The following ABHD16A variants were observed in gnomAD, a reference collection of about 807,000 sequenced individuals.
ABHD16A encodes abhydrolase domain containing 16A, phospholipase.
Under a neutral mutation model 89.8 loss-of-function variants are expected in ABHD16A, and 47 were observed. The observed-to-expected ratio is 0.52, with a 90% CI of 0.41 to 0.67. ABHD16A has a LOEUF of 0.67. ABHD16A is among the 30% of genes least tolerant of loss of function. The pLI, the probability that ABHD16A is intolerant of heterozygous loss-of-function variation, is 0.00. For synonymous variants in ABHD16A, 251 were observed against 280.4 expected, an observed-to-expected ratio of 0.90 and a Z score of 1.05; for missense variants, 580 against 734.6, an observed-to-expected ratio of 0.79 and a Z score of 2.43.
rs1173666617 is a variant in ABHD16A, at chr6:31,695,498, TG to T, written c.429+1449del. 7.6e-5 allele frequency among the ~76,000 whole-genome samples: 10 copies of T among 130,762 alleles called. No individual in the cohort carries two copies. The South Asian group carries it at 1.3e-3, about 17-fold the overall frequency. The allele number at this position is 130,762 out of a possible 152,430, so 85.8% of individuals were successfully genotyped here. On this transcript the variant is annotated intron_variant, in intron 5 of 19. Transcript: ENST00000395952. ...CAGCACTTTGGGAGGCCAAGGCAGG[TG>T]GATCACCTGAGGTCAGGAGTTTGAG...
chr6:31,700,471 G>C (rs1804855262), intron 4 of ABHD16A, among the ~76,000 whole-genome samples: 1 of 152,194 alleles, frequency 6.6e-6, no homozygotes, highest in Non-Finnish European at 1.5e-5. Flanking sequence ...CACTGGAGTT[G>C]TTTCCAGCTT....
Position 31,688,345 on chromosome 6 carries a change from G to C in ABHD16A, c.1251-40C>G. The stretch of plus-strand genomic sequence containing the variant: ...GCAGTGGGAAGGGAGAGCTCAGAGG[G>C]AGACGGGTGACAACTGGCCCACCCC... On this transcript the variant is annotated intron_variant, in intron 14 of 19. Coordinates refer to ENST00000395952, the MANE Select transcript of ABHD16A (RefSeq NM_021160.3). The surrounding 1 kb of genome is among the most constrained non-coding windows in gnomAD (Gnocchi z 4.9). The C allele has an allele frequency of 6.2e-7, 1 of 1,600,046 alleles. No homozygotes were observed. The highest frequency in any genetic ancestry group is 8.6e-7 in the Non-Finnish European group (1 of 1,167,500).
At position 31,690,624 on chromosome 6, in the gene ABHD16A, A is replaced by C. The variant is rs779110521; in HGVS notation, c.844-22T>G. 3 of 1,612,444 alleles carry C rather than the reference A, an allele frequency of 1.9e-6. No individual in the cohort carries two copies. Among genetic ancestry groups the C allele is most frequent in the African/African-American group, 1.3e-5 (1 of 74,908 alleles). The stretch of plus-strand genomic sequence containing the variant: ...TCACCTAGGAAGGAGGCAGGAAGGA[A>C]GGGCTGGGGGGCCAAGTTGGGACTG... On this transcript the variant is annotated intron_variant, in intron 9 of 19. Transcript: ENST00000395952. This position sits in a 1 kb window ranked among gnomAD's most constrained non-coding sequence, Gnocchi z 4.1.
chr6:31,699,932 G>A (rs528736262), intron 4 of ABHD16A, among the ~76,000 whole-genome samples: 1 of 152,040 alleles, frequency 6.6e-6, no homozygotes, highest in South Asian at 2.1e-4. Context: ...ATGTTTAGTA[G>A]AGACGGGGTT....
At chr6:31,700,643 T>C (rs1804878480) in intron 4 of ABHD16A, among the ~76,000 whole-genome samples, 2 of 151,924 alleles carry the variant, frequency 1.3e-5, no homozygotes, top group South Asian at 4.2e-4. Flanking sequence ...ACATCTATAA[T>C]CCCAGTACTT....
chr6:31,697,177 G>C (rs1804479734), intron 4 of ABHD16A, 144 bp from the exon 5 acceptor site: 1 of 714,800 alleles, frequency 1.4e-6, no homozygotes, highest in Non-Finnish European at 2.3e-6. Context: ...AGGATGCGGA[G>C]AAATAGATGT....
At position 31,693,790 on chromosome 6, in the gene ABHD16A, C is replaced by T. The variant is rs1170986319; in HGVS notation, c.430-358G>A. 6.6e-6 allele frequency among the ~76,000 whole-genome samples: 1 copy of T among 152,190 alleles called. No homozygotes were observed. Among genetic ancestry groups the T allele is most frequent in the Non-Finnish European group, 1.5e-5 (1 of 68,038 alleles). On this transcript the variant is annotated intron_variant, in intron 5 of 19. Coordinates refer to ENST00000395952, the MANE Select transcript of ABHD16A (RefSeq NM_021160.3). This position sits in a 1 kb window ranked among gnomAD's most constrained non-coding sequence, Gnocchi z 5.0. ...GGTCGCTGGCTGGTCACGGTCTATT[C>T]CCCACCTGGGTCCCTTATAGGGTGC...
chr6:31,701,980 CA>C, intron 2 of ABHD16A, 93 bp downstream of exon 2: 1 of 1,432,986 alleles, frequency 7.0e-7, no homozygotes, highest in Non-Finnish European at 9.8e-7. Flanking sequence ...CCCCCAACCC[CA>C]GGGCACTGTT....
rs950194087 is a variant in ABHD16A at position 31,688,193 on chromosome 6, G to A, written c.1307+56C>T. 18 of 1,608,040 alleles carry A rather than the reference G, an allele frequency of 1.1e-5. No individual in the cohort carries two copies. In the East Asian group the frequency reaches 1.3e-4, roughly 12 times the overall value. On this transcript the variant is annotated intron_variant, in intron 15 of 19. Coordinates refer to ENST00000395952, the MANE Select transcript of ABHD16A (RefSeq NM_021160.3). The surrounding 1 kb of genome is among the most constrained non-coding windows in gnomAD (Gnocchi z 4.9). ...GTTTCTGGTGGGCAGAGGTAGAAGG[G>A]ACAAGTTCCTGGCCATCTCTGGGGT...
chr6:31,691,548 C>A (rs1384731729), intron 9 of ABHD16A, 31 bp downstream of exon 9: 1 of 1,608,316 alleles, frequency 6.2e-7, no homozygotes, highest in Admixed American at 1.7e-5. Context: ...CTCACACTCA[C>A]CCCACCTCTG....
At position 31,698,058 on chromosome 6, in the gene ABHD16A, G is replaced by C. The variant is rs1583708466; in HGVS notation, c.344-1025C>G. Among the ~76,000 whole-genome samples, 1 of 152,310 alleles carries C rather than the reference G, an allele frequency of 6.6e-6. No homozygotes were observed. Among genetic ancestry groups the C allele is most frequent in the Non-Finnish European group, 1.5e-5 (1 of 68,020 alleles). On this transcript the variant is annotated intron_variant, in intron 4 of 19. Transcript: ENST00000395952. This position sits in a 1 kb window ranked among gnomAD's most constrained non-coding sequence, Gnocchi z 4.1. ...GAGAGAATGATGTGTGCTGCAGAAT[G>C]ATTTGTACAACATTTATGCCAAAAA...
In ABHD16A at chr6:31,690,087, A is replaced by G. The variant is rs768826592; in HGVS notation, c.948T>C (p.Ala316=). The G allele has an allele frequency of 1.9e-6, 3 of 1,598,990 alleles. No individual in the cohort carries two copies. Among genetic ancestry groups the G allele is most frequent in the African/African-American group, 1.3e-5 (1 of 74,352 alleles). The change falls in exon 11 of 20, where the codon GCT becomes GCC. Residue 316 remains alanine, a synonymous_variant. Transcript: ENST00000395952. This position sits in a 1 kb window ranked among gnomAD's most constrained non-coding sequence, Gnocchi z 4.1. ...CCTGAGATGGTCTCACCGTGCTTCC[A>G]GCAAAGCCTGGATGATTCCAGCCCA... ...SVLGWNHPGF[A]GSTGVPFPQN... is the part of the protein sequence containing the mutation.
In ABHD16A at chr6:31,688,220, C is replaced by T. The variant is rs1164181885; in HGVS notation, c.1307+29G>A. On this transcript the variant is annotated intron_variant, in intron 15 of 19. Coordinates refer to ENST00000395952, the MANE Select transcript of ABHD16A (RefSeq NM_021160.3). This position sits in a 1 kb window ranked among gnomAD's most constrained non-coding sequence, Gnocchi z 4.9. ...CAAGTTCCTGGCCATCTCTGGGGTTCCTGAGGGCCGAGATTCCCACGCACT... is the reference window on the plus strand; with the variant it reads ...CAAGTTCCTGGCCATCTCTGGGGTTTCTGAGGGCCGAGATTCCCACGCACT... The T allele has an allele frequency of 3.1e-6, 5 of 1,612,954 alleles. No homozygotes were observed. The highest frequency in any genetic ancestry group is 1.1e-5 in the South Asian group (1 of 91,022).
Position 31,693,387 on chromosome 6 carries a change from CGA to C in ABHD16A, c.473_474del (p.Val158GlyfsTer43). The C allele has an allele frequency of 6.2e-7, 1 of 1,613,004 alleles. No individual in the cohort carries two copies. Among genetic ancestry groups the C allele is most frequent in the Non-Finnish European group, 8.5e-7 (1 of 1,180,012 alleles). On this transcript the variant is annotated frameshift_variant, in exon 6 of 20. Coordinates refer to ENST00000395952, the MANE Select transcript of ABHD16A (RefSeq NM_021160.3). LOFTEE classifies it high-confidence loss of function. The surrounding 1 kb of genome is among the most constrained non-coding windows in gnomAD (Gnocchi z 5.0). Reference sequence around the variant, plus strand: ...CTGCTGGGTTCTTCCCAGTGGAAGTCGACTGGCCAGCTCCGGAAGTCAAAGTT... The same window carrying C: ...CTGCTGGGTTCTTCCCAGTGGAAGTCCTGGCCAGCTCCGGAAGTCAAAGTT... ...NYNFDFRSWP[V>X]DFHWEEPSSR...
rs1337364773 is a variant in ABHD16A at position 31,688,108 on chromosome 6, G to A, written c.1308-5C>T. On this transcript the variant is annotated splice_polypyrimidine_tract_variant and splice_region_variant and intron_variant, in intron 15 of 19. Transcript: ENST00000395952. This position sits in a 1 kb window ranked among gnomAD's most constrained non-coding sequence, Gnocchi z 4.9. ...GACATGATGTCCTCAGGAACCCTGG[G>A]GGTGAGAAGAATGTACCCTGGAGGG... 1.2e-6 allele frequency: 2 copies of A among 1,611,580 alleles called. No individual in the cohort carries two copies. The highest frequency in any genetic ancestry group is 8.5e-7 in the Non-Finnish European group (1 of 1,178,446).
At chr6:31,689,977 C>A in intron 11 of ABHD16A, 101 bp downstream of exon 11, 2 of 1,334,446 alleles carry the variant, frequency 1.5e-6, no homozygotes, top group South Asian at 1.5e-5. Context: ...GTGAGTGGGA[C>A]GCCTTCAAGA....
intron 9 of ABHD16A, 73 bp downstream of exon 9, chr6:31,691,506 A>G (rs1803872703): frequency 7.2e-7 from 1 of 1,385,398 alleles, no homozygotes; most frequent in African/African-American, 1.4e-5. Flanking sequence ...GAGGTGCTAT[A>G]GCATTGGGGT....
rs1031447741 is a variant in ABHD16A, at chr6:31,687,046, C to T, written c.*166G>A. ...TGTTGGAGAAGGTTAAGTACAGCCACATGAATGAGGGGAAACGTGCAAGAG... is the reference window on the plus strand; with the variant it reads ...TGTTGGAGAAGGTTAAGTACAGCCATATGAATGAGGGGAAACGTGCAAGAG... On this transcript the variant is annotated 3_prime_UTR_variant, in exon 20 of 20. Coordinates refer to ENST00000395952, the MANE Select transcript of ABHD16A (RefSeq NM_021160.3). This position sits in a 1 kb window ranked among gnomAD's most constrained non-coding sequence, Gnocchi z 6.3. 3 of 644,108 alleles carry T rather than the reference C, an allele frequency of 4.7e-6. No homozygotes were observed. The highest frequency in any genetic ancestry group is 8.2e-6 in the Non-Finnish European group (3 of 363,750). 39.9% of individuals were successfully genotyped at this position (644,108 alleles called of 1,614,324 possible). A position where few individuals can be genotyped will look rare whatever the true frequency, so the allele number is the denominator to read the frequency against.
At chr6:31,689,528 G>T in intron 12 of ABHD16A, 53 bp downstream of exon 12, 1 of 1,496,974 alleles carries the variant, frequency 6.7e-7, no homozygotes, top group East Asian at 2.5e-5. Context: ...TCCCGGGTGG[G>T]GCTGGGTGGT....
Sources: gnomAD v4.1 joint callset for allele counts (sites outside exome capture counted in the v4.1 genomes callset) on GRCh38, gnomAD v4.1.1 for gene constraint, Gnocchi (gnomAD v3.1) non-coding constraint, MANE v1.5 for transcripts, NCBI Gene and HGNC (gene_info 2026-07-23, HGNC 2026-07-21) for gene names.